NUAK1: variants seen among roughly 807,000 people sequenced by gnomAD.
NUAK1 encodes the protein NUAK family kinase 1.
NUAK1 carries 26 observed loss-of-function variants against 56.9 expected under a neutral mutation model. The ratio of observed to expected loss-of-function variants is 0.46; its 90% CI spans 0.33 to 0.63. The LOEUF is 0.63. Among genes scored for constraint, NUAK1 ranks in the 30% least tolerant of loss-of-function variants. The probability of loss-of-function intolerance (pLI) is 0.02; values close to 1 mark genes in which losing one functional copy is unlikely to be tolerated. For missense variants in NUAK1, 727 were observed against 876.1 expected (o/e 0.83, Z 2.15); for synonymous variants, 337 against 336.0 (o/e 1.00, Z -0.03).
At chr12:106,106,130 C>T (rs1368339782) in intron 2 of NUAK1, 2 of 269,770 alleles carry the variant, frequency 7.4e-6, no homozygotes, top group African/African-American at 4.4e-5. Flanking sequence ...CACAAACTGG[C>T]TTTCAATAAG....
Position 106,070,844 on chromosome 12 carries a change from A to G in NUAK1, c.762T>C (p.Asp254=), listed in dbSNP as rs2032399173. The change falls in exon 6 of 7, where the codon GAT becomes GAC. Residue 254 remains aspartate, a synonymous_variant. Coordinates refer to ENST00000261402, the MANE Select transcript of NUAK1 (RefSeq NM_014840.3). ...GAATGAGGTTTTTGTGATCGAAACCATCGAAGGGCATTGTTCCATAAACAA... is the reference window on the plus strand; with the variant it reads ...GAATGAGGTTTTTGTGATCGAAACCGTCGAAGGGCATTGTTCCATAAACAA... ...YTLVYGTMPF[D]GFDHKNLIRQ... is the part of the protein sequence containing the mutation. 1 of 1,614,168 alleles carries G rather than the reference A, an allele frequency of 6.2e-7. No homozygotes were observed. The highest frequency in any genetic ancestry group is 1.7e-5 in the Admixed American group (1 of 60,012).
At chr12:106,125,946 G>C (rs1363343800) in intron 1 of NUAK1, among the ~76,000 whole-genome samples, 2 of 152,100 alleles carry the variant, frequency 1.3e-5, no homozygotes, top group Non-Finnish European at 2.9e-5. Context: ...GGAAGAAAGA[G>C]TTCACTATCA....
In NUAK1 at chr12:106,138,311, G is replaced by C. The variant is rs1418509222; in HGVS notation, c.240+103C>G. ...GGGCTTCCCAATGAGCCCCCTCTCT[G>C]TCAAGAGAGCCCCAGGGCGCACAGA... On this transcript the variant is annotated intron_variant, in intron 1 of 6. Coordinates refer to ENST00000261402, the MANE Select transcript of NUAK1 (RefSeq NM_014840.3). The surrounding 1 kb of genome is among the most constrained non-coding windows in gnomAD (Gnocchi z 5.0). 1.4e-6 allele frequency: 2 copies of C among 1,437,882 alleles called. No homozygotes were observed. The highest frequency in any genetic ancestry group is 1.8e-6 in the Non-Finnish European group (2 of 1,092,034). 89.1% of individuals were successfully genotyped at this position (1,437,882 alleles called of 1,614,324 possible).
chr12:106,117,579 C>T (rs1250338099), intron 1 of NUAK1, among the ~76,000 whole-genome samples: 3 of 152,208 alleles, frequency 2.0e-5, no homozygotes, highest in Non-Finnish European at 4.4e-5. Flanking sequence ...TCAGGACCCA[C>T]ATAGATGTCA....
chr12:106,068,013 T>C (rs556920081), intron 6 of NUAK1, 58 bp from the exon 7 acceptor site: 2 of 1,517,516 alleles, frequency 1.3e-6, no homozygotes, highest in Non-Finnish European at 1.8e-6. Context: ...GGCTTTGTGA[T>C]AGTGGGACCC....
At chr12:106,102,866 T>C (rs1347128426) in intron 2 of NUAK1, among the ~76,000 whole-genome samples, 1 of 152,218 alleles carries the variant, frequency 6.6e-6, no homozygotes, top group East Asian at 1.9e-4. Flanking sequence ...CAAGTCTTCC[T>C]TAACTCCCTA....
At chr12:106,079,284 T>C (rs2032492548) in intron 4 of NUAK1, among the ~76,000 whole-genome samples, 3 of 152,130 alleles carry the variant, frequency 2.0e-5, no homozygotes, top group Admixed American at 2.0e-4. Flanking sequence ...GTGCTTGCTG[T>C]TTCTTCCTCT....
intron 2 of NUAK1, among the ~76,000 whole-genome samples, chr12:106,095,508 C>T (rs2032688106): frequency 6.6e-6 from 1 of 152,226 alleles, no homozygotes; most frequent in Non-Finnish European, 1.5e-5. Flanking sequence ...AGTTACTTAG[C>T]CTTTCCGTAC....
At chr12:106,092,620 A>G (rs1430183716) in intron 2 of NUAK1, among the ~76,000 whole-genome samples, 3 of 152,164 alleles carry the variant, frequency 2.0e-5, no homozygotes, top group African/African-American at 7.2e-5. Flanking sequence ...AGAGTACTCC[A>G]TTATGTGAAT....
intron 2 of NUAK1, among the ~76,000 whole-genome samples, chr12:106,101,849 C>A (rs2032752489): frequency 6.6e-6 from 1 of 152,144 alleles, no homozygotes; most frequent in Non-Finnish European, 1.5e-5. Context: ...CTACAGATGG[C>A]AGGATGTCTA....
chr12:106,138,837 C>A lies in NUAK1; in HGVS notation c.-184G>T. On this transcript the variant is annotated 5_prime_UTR_variant, in exon 1 of 7. Transcript: ENST00000261402. The surrounding 1 kb of genome is among the most constrained non-coding windows in gnomAD (Gnocchi z 5.0). ...GGCGGCGGGGACTGCACATCTGGCG[C>A]CCGCGGCGCGCACGGTCCGCGCACC... 1.3e-6 allele frequency: 1 copy of A among 769,858 alleles called. No individual in the cohort carries two copies. Among genetic ancestry groups the A allele is most frequent in the Non-Finnish European group, 1.8e-6 (1 of 553,412 alleles). The allele number at this position is 769,858 out of a possible 1,614,324, so 47.7% of individuals were successfully genotyped here. A position where few individuals can be genotyped will look rare whatever the true frequency, so the allele number is the denominator to read the frequency against.
chr12:106,110,984 T>C (rs530287297), intron 1 of NUAK1, among the ~76,000 whole-genome samples: 24 of 152,234 alleles, frequency 1.6e-4, no homozygotes, highest in Admixed American at 2.0e-4. Flanking sequence ...CTCTCCCACA[T>C]TGGCTGCTGT....
In NUAK1 at chr12:106,067,471, G is replaced by A. The variant is rs367834871; in HGVS notation, c.1317C>T (p.Gly439=). ...CCTCTGGTGAGCTTGGGAGGAGCAC[G>A]CCAGTCCTGCACAAGTCCTGCTCCA... is the stretch of plus-strand genomic sequence containing the variant. The part of the protein sequence containing the change: ...FKMEQDLCRT[G]VLLPSSPEAE... The change falls in exon 7 of 7, where the codon GGC becomes GGT. Residue 439 remains glycine, a synonymous_variant. Coordinates refer to ENST00000261402, the MANE Select transcript of NUAK1 (RefSeq NM_014840.3). The surrounding 1 kb of genome is among the most constrained non-coding windows in gnomAD (Gnocchi z 6.0). The A allele has an allele frequency of 7.7e-5, 125 of 1,614,028 alleles. No homozygotes were observed. Among genetic ancestry groups the A allele is most frequent in the Non-Finnish European group, 9.7e-5 (115 of 1,180,034 alleles).
At chr12:106,130,233 C>A (rs975373815) in intron 1 of NUAK1, among the ~76,000 whole-genome samples, 1 of 152,184 alleles carries the variant, frequency 6.6e-6, no homozygotes, top group Admixed American at 6.5e-5. Flanking sequence ...CCACCCACTT[C>A]GGCCTCCCCA....
chr12:106,097,725 T>C (rs2032709131), intron 2 of NUAK1, among the ~76,000 whole-genome samples: 1 of 152,168 alleles, frequency 6.6e-6, no homozygotes, highest in Non-Finnish European at 1.5e-5. Flanking sequence ...TGCAGGGGTT[T>C]TTCTAGTACA....
intron 1 of NUAK1, among the ~76,000 whole-genome samples, chr12:106,109,844 G>C (rs769483146): frequency 2.6e-4 from 40 of 152,148 alleles, no homozygotes; most frequent in Non-Finnish European, 4.9e-4. Flanking sequence ...CCTGGGCCAG[G>C]GGGTAACTGC....
rs1295885209 is a variant in NUAK1 at position 106,075,633 on chromosome 12, A to G, written c.580-2790T>C. ...ATCCAGGGAGTTAATTACCTTCGTTATACTAGAAGCAGAGTTTATCCCAAT... is the reference window on the plus strand; with the variant it reads ...ATCCAGGGAGTTAATTACCTTCGTTGTACTAGAAGCAGAGTTTATCCCAAT... On this transcript the variant is annotated intron_variant, in intron 4 of 6. Transcript: ENST00000261402. 3.3e-5 allele frequency among the ~76,000 whole-genome samples: 5 copies of G among 152,386 alleles called. No individual in the cohort carries two copies. In the East Asian group the frequency reaches 9.6e-4, roughly 29 times the overall value.
In NUAK1 at chr12:106,067,524, C is replaced by G; in HGVS notation, c.1264G>C (p.Gly422Arg). The change falls in exon 7 of 7, where the codon GGT becomes CGT. Residue 422 changes from glycine (G) to arginine (R), a missense_variant. Coordinates refer to ENST00000261402, the MANE Select transcript of NUAK1 (RefSeq NM_014840.3). The surrounding 1 kb of genome is among the most constrained non-coding windows in gnomAD (Gnocchi z 6.0). ...TTGAAAGTAGAGGGTAAGGCAGGACCAACTACACCTTCAATGAAGCCAGTG... is the reference window on the plus strand; with the variant it reads ...TTGAAAGTAGAGGGTAAGGCAGGACGAACTACACCTTCAATGAAGCCAGTG... ...HSTGFIEGVV[G>R]PALPSTFKME... 6.2e-7 allele frequency: 1 copy of G among 1,614,186 alleles called. No homozygotes were observed. The highest frequency in any genetic ancestry group is 1.1e-5 in the South Asian group (1 of 91,086).
intron 2 of NUAK1, among the ~76,000 whole-genome samples, chr12:106,092,683 T>C (rs1436416277): frequency 6.6e-6 from 1 of 152,214 alleles, no homozygotes; most frequent in Non-Finnish European, 1.5e-5. Flanking sequence ...TTGGGCTGTT[T>C]CCAGTTGAGG....
Sources: gnomAD v4.1 joint callset for allele counts (sites outside exome capture counted in the v4.1 genomes callset) on GRCh38, gnomAD v4.1.1 for gene constraint, Gnocchi (gnomAD v3.1) non-coding constraint, MANE v1.5 for transcripts, NCBI Gene and HGNC (gene_info 2026-07-23, HGNC 2026-07-21) for gene names.